The following BRCA1 variants were observed in gnomAD, a reference collection of about 807,000 sequenced individuals.
The protein encoded by BRCA1 is BRCA1 DNA repair associated, also known as breast cancer type 1 susceptibility protein.
Under a neutral mutation model 173.7 loss-of-function variants are expected in BRCA1, and 140 were observed. The ratio of observed to expected loss-of-function variants is 0.81; its 90% CI spans 0.70 to 0.93. The LOEUF (loss-of-function observed/expected upper bound fraction) is 0.93. Ranked by LOEUF, BRCA1 falls within the 40% of genes least tolerant of loss-of-function variation. The probability of loss-of-function intolerance (pLI) is 0.00; values close to 1 mark genes in which losing one functional copy is unlikely to be tolerated. For synonymous variants in BRCA1, 662 were observed against 756.0 expected, an observed-to-expected ratio of 0.88 and a Z score of 2.04; for missense variants, 1,983 against 2,172.5, an observed-to-expected ratio of 0.91 and a Z score of 1.73.
chr17:43,136,404 G>A (rs551298053), intron 1 of BRCA1, among the ~76,000 whole-genome samples: 1 of 152,250 alleles, frequency 6.6e-6, no homozygotes, highest in East Asian at 1.9e-4. Flanking sequence ...AACACCAAAA[G>A]CAGTGGCAAC....
At chr17:43,063,494 C>T in intron 17 of BRCA1, 121 bp from the exon 18 acceptor site, 2 of 810,344 alleles carry the variant, frequency 2.5e-6, no homozygotes, top group East Asian at 2.6e-5. Flanking sequence ...GAGGTCCTTC[C>T]CTCTAAAGCC....
At chr17:43,058,017 C>T (rs1364258396) in intron 18 of BRCA1, among the ~76,000 whole-genome samples, 1 of 56,704 alleles carries the variant, frequency 1.8e-5, no homozygotes, top group African/African-American at 1.6e-4. Flanking sequence ...GAAACTCTGT[C>T]TCAAAAAAAA....
At chr17:43,130,796 G>T (rs555732087) in intron 1 of BRCA1, among the ~76,000 whole-genome samples, 10 of 152,290 alleles carry the variant, frequency 6.6e-5, no homozygotes, top group African/African-American at 2.4e-4. Flanking sequence ...CTAGTAATGG[G>T]CCAGAGCTGT....
At chr17:43,146,903 CCCT>C (rs1222124890) in intron 1 of BRCA1, among the ~76,000 whole-genome samples, 3 of 152,144 alleles carry the variant, frequency 2.0e-5, no homozygotes, top group African/African-American at 7.2e-5. Flanking sequence ...GTTTCTCACC[CCCT>C]CCTCATTTTA....
intron 1 of BRCA1, chr17:43,163,513 C>T (rs992881085): frequency 1.7e-4 from 26 of 152,228 alleles, no homozygotes; most frequent in African/African-American, 4.8e-5. Flanking sequence ...ATCTGGTATT[C>T]TTCGTGGGAC....
intron 8 of BRCA1, among the ~76,000 whole-genome samples, chr17:43,096,464 C>A (rs748665512): frequency 6.7e-6 from 1 of 149,538 alleles, no homozygotes; most frequent in Non-Finnish European, 1.5e-5. Context: ...CCCAGCTACT[C>A]GTGAGATTGA....
At chr17:43,051,773 A>G (rs2051250888) in intron 19 of BRCA1, among the ~76,000 whole-genome samples, 1 of 151,700 alleles carries the variant, frequency 6.6e-6, no homozygotes, top group South Asian at 2.1e-4. Flanking sequence ...AGTAGCTGGG[A>G]TTACAGGCGC....
chr17:43,075,565 T>C (rs201117483), intron 13 of BRCA1, among the ~76,000 whole-genome samples: 2 of 145,026 alleles, frequency 1.4e-5, no homozygotes, highest in Non-Finnish European at 1.5e-5. Context: ...TCTCTCTCTC[T>C]TTTTTTTTTT....
intron 6 of BRCA1, among the ~76,000 whole-genome samples, chr17:43,100,671 TATATATAATATATATATA>T (rs1567807629): frequency 0.078 from 2,016 of 25,962 alleles, 128 homozygotes; most frequent in Non-Finnish European, 0.087. Context: ...TATATATATA[TATATATAATATATATATA>T]TATATATATA....
upstream of BRCA1, among the ~76,000 whole-genome samples, chr17:43,127,139 C>T (rs886798760): frequency 2.6e-5 from 4 of 152,234 alleles, no homozygotes; most frequent in African/African-American, 4.8e-5. Flanking sequence ...TGAGCCTCCC[C>T]GACGGGCACC....
rs1567807832 is a variant in BRCA1, at chr17:43,100,685, ATAT to A, written c.442-808_442-806del. On this transcript the variant is annotated intron_variant, in intron 6 of 22. Coordinates refer to ENST00000357654, the MANE Select transcript of BRCA1 (RefSeq NM_007294.4). Reference sequence around the variant, plus strand: ...ATATATATATATATATATAATATATATATATATATATATATATGTAATCCCAGC... The same window carrying A: ...ATATATATATATATATATAATATATAATATATATATATATGTAATCCCAGC... 2.5e-3 allele frequency among the ~76,000 whole-genome samples: 25 copies of A among 10,194 alleles called. 1 individual carries two copies. Among genetic ancestry groups the A allele is most frequent in the African/African-American group, 6.9e-3 (23 of 3,320 alleles). The allele number at this position is 10,194 out of a possible 152,430, so 6.7% of individuals were successfully genotyped here.
At position 43,094,231 on chromosome 17, in the gene BRCA1, T is replaced by G. The variant is rs786203753; in HGVS notation, c.1300A>C (p.Ser434Arg). The change falls in exon 10 of 23, where the codon AGT (serine) becomes CGT (arginine). Residue 434 changes from serine to arginine, a missense_variant. Ser to Arg is a moderately radical substitution (Grantham distance 110, BLOSUM62 -1). Transcript: ENST00000357654. Reference protein sequence around the residue: ...GSSEKIDLLASDPHEALICKS... With the variant: ...GSSEKIDLLARDPHEALICKS... ...CATATTAAAGCCTCATGAGGATCAC[T>G]GGCCAGTAAGTCTATTTTCTCTGAA... 1 of 1,614,136 alleles carries G rather than the reference T, an allele frequency of 6.2e-7. No individual in the cohort carries two copies. The highest frequency in any genetic ancestry group is 2.2e-5 in the East Asian group (1 of 44,878).
At chr17:43,064,620 A>G (rs1597821475) in intron 16 of BRCA1, among the ~76,000 whole-genome samples, 3 of 152,164 alleles carry the variant, frequency 2.0e-5, no homozygotes, top group East Asian at 3.8e-4. Context: ...CTAAATCCTA[A>G]ACACAGCAGG....
intron 1 of BRCA1, 110 bp from the exon 2 acceptor site, chr17:43,124,225 A>G (rs1171846719): frequency 1.4e-6 from 1 of 717,954 alleles, no homozygotes; most frequent in Non-Finnish European, 2.3e-6. Flanking sequence ...GGAAGGTTTT[A>G]GAATAATACA....
intron 1 of BRCA1, chr17:43,144,939 C>A (rs1399037371): frequency 1.7e-6 from 1 of 590,140 alleles, no homozygotes; most frequent in Non-Finnish European, 3.3e-6. Flanking sequence ...CTGGCACCCA[C>A]CTTCCCTGCT....
At position 43,142,769 on chromosome 17, in the gene BRCA1, G is replaced by A. The variant is rs2056084203; in HGVS notation, c.-19-18654C>T. Among the ~76,000 whole-genome samples the A allele has an allele frequency of 1.3e-5, 2 of 152,070 alleles. 1 individual carries two copies. The highest frequency in any genetic ancestry group is 1.3e-4 in the Admixed American group (2 of 15,260). On this transcript the variant is annotated intron_variant, in intron 1 of 7. Transcript: ENST00000634433. ...TTTATTTAATTATTTTTAAGACAGA[G>A]TTTCAGTCTTATTGCCCAGGCAGGA...
At chr17:43,141,744 G>A (rs929486024) in intron 1 of BRCA1, among the ~76,000 whole-genome samples, 2 of 150,586 alleles carry the variant, frequency 1.3e-5, no homozygotes, top group East Asian at 4.0e-4. Context: ...CCTGGGAGGC[G>A]GAGCTTGCAG....
chr17:43,049,160 AG>A lies in BRCA1; in HGVS notation c.5366del (p.Ala1789ValfsTer4), dbSNP rs760188581. On this transcript the variant is annotated frameshift_variant, in exon 21 of 23. Coordinates refer to ENST00000357654, the MANE Select transcript of BRCA1 (RefSeq NM_007294.4). LOFTEE classifies it high-confidence loss of function. ...ATGATGAAAGCTCCTTCACCACAGAAGCACCACACAGCTGTACCATCCATTC... is the reference window on the plus strand; with the variant it reads ...ATGATGAAAGCTCCTTCACCACAGAACACCACACAGCTGTACCATCCATTC... ...QLEWMVQLCGASVVKELSSFT... is the reference protein window; with the variant it reads ...QLEWMVQLCGXSVVKELSSFT... 1 of 1,614,166 alleles carries A rather than the reference AG, an allele frequency of 6.2e-7. No homozygotes were observed. The highest frequency in any genetic ancestry group is 1.1e-5 in the South Asian group (1 of 91,086).
chr17:43,051,750 C>T (rs894993849), intron 19 of BRCA1, among the ~76,000 whole-genome samples: 1 of 151,918 alleles, frequency 6.6e-6, no homozygotes, highest in Non-Finnish European at 1.5e-5. Context: ...GATTCTCCTG[C>T]CTTAGCCTCC....
Sources: gnomAD v4.1 joint callset for allele counts (sites outside exome capture counted in the v4.1 genomes callset) on GRCh38, gnomAD v4.1.1 for gene constraint, MANE v1.5 for transcripts, NCBI Gene and HGNC (gene_info 2026-07-23, HGNC 2026-07-21) for gene names.